AGO1: variants seen among roughly 807,000 people sequenced by gnomAD.
AGO1 encodes the protein protein argonaute-1.
Under a neutral mutation model 109.2 loss-of-function variants are expected in AGO1, and 11 were observed. The ratio of observed to expected loss-of-function variants is 0.10; its 90% confidence interval spans 0.06 to 0.17. The LOEUF is 0.17. AGO1 is among the 10% of genes least tolerant of loss of function. The probability of loss-of-function intolerance (pLI) is 1.00; values close to 1 mark genes in which losing one functional copy is unlikely to be tolerated. For missense variants in AGO1, 574 were observed against 1,140.3 expected (o/e 0.50, Z 7.15); for synonymous variants, 422 against 418.6 (o/e 1.01, Z -0.10).
At position 35,893,578 on chromosome 1, in the gene AGO1, G is replaced by A. The variant is rs2148711293; in HGVS notation, c.513-96G>A. ...TCAGAGCTGGCATTAAAGCCCCGGT[G>A]TCCTGCCTTTCAGGCCAGGGCTCCT... On this transcript the variant is annotated intron_variant, in intron 4 of 18. Coordinates refer to ENST00000373204, the MANE Select transcript of AGO1 (RefSeq NM_012199.5). The surrounding 1 kb of genome is among the most constrained non-coding windows in gnomAD (Gnocchi z 5.6). 1 of 1,325,328 alleles carries A rather than the reference G, an allele frequency of 7.5e-7. No homozygotes were observed. The highest frequency in any genetic ancestry group is 1.4e-5 in the South Asian group (1 of 69,202). The allele number at this position is 1,325,328 out of a possible 1,614,324, so 82.1% of individuals were successfully genotyped here.
chr1:35,880,920 A>G (rs371275576), upstream of AGO1, among the ~76,000 whole-genome samples: 14 of 152,300 alleles, frequency 9.2e-5, no homozygotes, highest in East Asian at 1.5e-3. Flanking sequence ...TTGGTCTCCC[A>G]AAGTGCTGAG....
In AGO1 at chr1:35,883,480, T is replaced by A; in HGVS notation, c.25+34T>A. On this transcript the variant is annotated intron_variant, in intron 1 of 18. Coordinates refer to ENST00000373204, the MANE Select transcript of AGO1 (RefSeq NM_012199.5). This position sits in a 1 kb window ranked among gnomAD's most constrained non-coding sequence, Gnocchi z 5.4. The stretch of plus-strand genomic sequence containing the variant: ...CCCCAGGAGGGGGAACGGTGCATGC[T>A]CCAAGGACTGGGGGATCCCGCATGA... 1 of 1,537,758 alleles carries A rather than the reference T, an allele frequency of 6.5e-7. No individual in the cohort carries two copies. The highest frequency in any genetic ancestry group is 8.7e-7 in the Non-Finnish European group (1 of 1,149,470).
chr1:35,913,561 T>C (rs1256874073), intron 12 of AGO1, among the ~76,000 whole-genome samples: 2 of 152,206 alleles, frequency 1.3e-5, no homozygotes, highest in Non-Finnish European at 2.9e-5. Context: ...TCAGATTTCA[T>C]TTCAATCATT....
Position 35,870,128 on chromosome 1 carries a change from C to T in AGO1, c.-201+225C>T, listed in dbSNP as rs564307371. Among the ~76,000 whole-genome samples, 7 of 152,104 alleles carry T rather than the reference C, an allele frequency of 4.6e-5. No individual in the cohort carries two copies. In the South Asian group the frequency reaches 1.5e-3, roughly 32 times the overall value. On this transcript the variant is annotated intron_variant, in intron 1 of 18. Transcript: ENST00000373206. ...CCTCATATTTATCACCCAAGCGTTC[C>T]TGCCCTACGTGTACCCCTCCGCCTG...
intron 1 of AGO1, among the ~76,000 whole-genome samples, chr1:35,875,832 A>T (rs1441762331): frequency 1.3e-5 from 2 of 152,370 alleles, no homozygotes; most frequent in East Asian, 3.9e-4. Flanking sequence ...ATGGAGTTGT[A>T]CAAGGAGAAT....
chr1:35,891,117 T>C (rs952755655), intron 2 of AGO1, among the ~76,000 whole-genome samples: 2 of 152,078 alleles, frequency 1.3e-5, no homozygotes, highest in Admixed American at 6.6e-5. Flanking sequence ...GTCTACATAG[T>C]GTAGGAGGGA....
chr1:35,928,708 C>T lies in AGO1; in HGVS notation c.*9101C>T, dbSNP rs1485670167. 6.6e-6 allele frequency: 1 copy of T among 152,160 alleles called. No individual in the cohort carries two copies. The highest frequency in any genetic ancestry group is 2.4e-5 in the African/African-American group (1 of 41,436). The allele number at this position is 152,160 out of a possible 1,614,324, so 9.4% of individuals were successfully genotyped here. On this transcript the variant is annotated 3_prime_UTR_variant, in exon 19 of 19. Coordinates refer to ENST00000373204, the MANE Select transcript of AGO1 (RefSeq NM_012199.5). ...TCTATTTTTCCCAGTCTGTGGCTTGCCTTTTCATTTTGAAGAGCAAAAGTT... is the reference window on the plus strand; with the variant it reads ...TCTATTTTTCCCAGTCTGTGGCTTGTCTTTTCATTTTGAAGAGCAAAAGTT...
chr1:35,920,977 T>A lies in AGO1; in HGVS notation c.*1370T>A, dbSNP rs1181892531. 6.5e-6 allele frequency: 1 copy of A among 152,774 alleles called. No individual in the cohort carries two copies. The highest frequency in any genetic ancestry group is 1.5e-5 in the Non-Finnish European group (1 of 68,128). 9.5% of individuals were successfully genotyped at this position (152,774 alleles called of 1,614,324 possible). A position where few individuals can be genotyped will look rare whatever the true frequency, so the allele number is the denominator to read the frequency against. Reference sequence around the variant, plus strand: ...CAGAATGAACTGTGTACCTGATTTGTTCTCTGACCTGGCTAGGTAGGGAGG... The same window carrying A: ...CAGAATGAACTGTGTACCTGATTTGATCTCTGACCTGGCTAGGTAGGGAGG... On this transcript the variant is annotated 3_prime_UTR_variant, in exon 19 of 19. Transcript: ENST00000373204.
intron 12 of AGO1, among the ~76,000 whole-genome samples, chr1:35,908,496 C>G (rs1645568326): frequency 6.6e-6 from 1 of 152,182 alleles, no homozygotes; most frequent in Admixed American, 6.6e-5. Flanking sequence ...TGGCCTCTCT[C>G]CCTCTCTTCA....
rs1645296748 is a variant in AGO1 at position 35,895,167 on chromosome 1, G to A, written c.918G>A (p.Val306=). ...LESGQTVECT[V]AQYFKQKYNL... ...GTGGACAGACTGTGGAGTGCACAGT[G>A]GCACAGTATTTCAAGCAGAAATATA... Residue 306 remains valine (V), a synonymous_variant, in exon 8 of 19, where the codon GTG becomes GTA. Coordinates refer to ENST00000373204, the MANE Select transcript of AGO1 (RefSeq NM_012199.5). The A allele has an allele frequency of 2.5e-6, 4 of 1,613,994 alleles. No homozygotes were observed. Among genetic ancestry groups the A allele is most frequent in the Non-Finnish European group, 8.5e-7 (1 of 1,179,962 alleles).
intron 12 of AGO1, among the ~76,000 whole-genome samples, chr1:35,911,753 C>T (rs1186922174): frequency 1.3e-5 from 2 of 152,172 alleles, no homozygotes; most frequent in African/African-American, 2.4e-5. Flanking sequence ...ATCACCACAA[C>T]AATTTTTGCC....
chr1:35,878,380 C>T (rs557886583), upstream of AGO1, among the ~76,000 whole-genome samples: 34 of 152,242 alleles, frequency 2.2e-4, no homozygotes, highest in African/African-American at 6.5e-4. Context: ...CCACCACGCC[C>T]GGCTCCTTTT....
At chr1:35,880,300 G>GA (rs1343986884), upstream of AGO1, among the ~76,000 whole-genome samples, 2 of 151,990 alleles carry the variant, frequency 1.3e-5, no homozygotes, top group African/African-American at 2.4e-5. Flanking sequence ...TCCATAAGAA[G>GA]AGTCTTTGGG....
chr1:35,878,203 C>T (rs1645007575), intron 1 of AGO1, among the ~76,000 whole-genome samples: 1 of 151,974 alleles, frequency 6.6e-6, no homozygotes, highest in African/African-American at 2.4e-5. Flanking sequence ...CCTGCCTCAG[C>T]CTCCCGAGCA....
Position 35,894,108 on chromosome 1 carries a change from A to G in AGO1, c.721A>G (p.Ile241Val). 6.3e-7 allele frequency: 1 copy of G among 1,590,876 alleles called. No individual in the cohort carries two copies. Among genetic ancestry groups the G allele is most frequent in the Non-Finnish European group, 8.6e-7 (1 of 1,169,362 alleles). ...GTGTGAGGTGCTGGACATCAGGAACATAGATGAGCAGCCCAAGCCCCTCAC... is the reference window on the plus strand; with the variant it reads ...GTGTGAGGTGCTGGACATCAGGAACGTAGATGAGCAGCCCAAGCCCCTCAC... The part of the protein sequence containing the change: ...FMCEVLDIRN[I>V]DEQPKPLTDS... Residue 241 changes from isoleucine (I) to valine (V), a missense_variant, in exon 6 of 19, where the codon ATA (isoleucine) becomes GTA (valine). Coordinates refer to ENST00000373204, the MANE Select transcript of AGO1 (RefSeq NM_012199.5).
chr1:35,882,936 A>T, upstream of AGO1: 2 of 978,510 alleles, frequency 2.0e-6, no homozygotes, highest in African/African-American at 1.7e-5. This position sits in a 1 kb window ranked among gnomAD's most constrained non-coding sequence, Gnocchi z 5.1. Context: ...GGCTGTGTGT[A>T]GGTTTGGAGG....
chr1:35,874,309 A>G (rs1195177155), intron 1 of AGO1, among the ~76,000 whole-genome samples: 1 of 152,164 alleles, frequency 6.6e-6, no homozygotes, highest in Non-Finnish European at 1.5e-5. Context: ...CTGGGACTAC[A>G]GGCATGCACC....
Position 35,893,451 on chromosome 1 carries a change from C to T in AGO1, c.512+173C>T, listed in dbSNP as rs1315791656. On this transcript the variant is annotated intron_variant, in intron 4 of 18. Transcript: ENST00000373204. The surrounding 1 kb of genome is among the most constrained non-coding windows in gnomAD (Gnocchi z 5.6). Reference sequence around the variant, plus strand: ...ATATTTAGATGGTTTAAAGCCCTGGCCCTGAACTTCTTAGATATCTTTGGG... The same window carrying T: ...ATATTTAGATGGTTTAAAGCCCTGGTCCTGAACTTCTTAGATATCTTTGGG... The T allele has an allele frequency of 7.2e-6, 6 of 831,036 alleles. No homozygotes were observed. The highest frequency in any genetic ancestry group is 2.7e-5 in the East Asian group (1 of 37,058). 51.5% of individuals were successfully genotyped at this position (831,036 alleles called of 1,614,324 possible).
intron 14 of AGO1, 68 bp from the exon 15 acceptor site, chr1:35,915,280 C>T (rs1645713809): frequency 6.8e-7 from 1 of 1,461,610 alleles, no homozygotes; most frequent in Non-Finnish European, 9.5e-7. Context: ...AGAAGCCTTT[C>T]CACAAACCCA....
Sources: allele counts gnomAD v4.1 joint callset (sites outside exome capture counted in the v4.1 genomes callset), GRCh38; gene constraint gnomAD v4.1.1; non-coding constraint Gnocchi (gnomAD v3.1); transcripts MANE v1.5; gene names NCBI Gene and HGNC (gene_info 2026-07-23, HGNC 2026-07-21).